RCOR1: variants seen among roughly 807,000 people sequenced by gnomAD.
RCOR1 encodes REST corepressor 1, also known as REST corepressor.
RCOR1 carries 12 observed loss-of-function variants against 64.0 expected under a neutral mutation model. The ratio of observed to expected loss-of-function variants is 0.19; its 90% CI spans 0.12 to 0.30. The LOEUF is 0.30. Among genes scored for constraint, RCOR1 ranks in the 10% least tolerant of loss-of-function variants. The pLI is 1.00. For missense variants in RCOR1, 502 were observed against 621.2 expected, an observed-to-expected ratio of 0.81 and a Z score of 2.04; for synonymous variants, 279 against 227.2, an observed-to-expected ratio of 1.23 and a Z score of -2.05.
At chr14:102,598,464 T>G (rs1408573165) in intron 2 of RCOR1, among the ~76,000 whole-genome samples, 1 of 151,132 alleles carries the variant, frequency 6.6e-6, no homozygotes, top group African/African-American at 2.4e-5. Context: ...TTTTTTTTTT[T>G]TGAGACGGTG....
At position 102,730,125 on chromosome 14, in the gene RCOR1, C is replaced by T. The variant is rs918382231; in HGVS notation, c.*3619C>T. ...CATGTTGTGTGATGATGAGTGTTTA[C>T]AGCCACCTTCTCCTAAAACGAAATT... On this transcript the variant is annotated 3_prime_UTR_variant, in exon 12 of 12. Coordinates refer to ENST00000262241, the MANE Select transcript of RCOR1 (RefSeq NM_015156.4). 13 of 398,226 alleles carry T rather than the reference C, an allele frequency of 3.3e-5. No homozygotes were observed. Among genetic ancestry groups the T allele is most frequent in the Non-Finnish European group, 5.8e-5 (13 of 226,002 alleles). 24.7% of individuals were successfully genotyped at this position (398,226 alleles called of 1,614,324 possible).
At chr14:102,712,696 ATT>A (rs1426668108) in intron 7 of RCOR1, among the ~76,000 whole-genome samples, 2 of 150,828 alleles carry the variant, frequency 1.3e-5, no homozygotes, top group African/African-American at 4.9e-5. Flanking sequence ...ATATCACCAA[ATT>A]GGAAATTGGT....
intron 3 of RCOR1, among the ~76,000 whole-genome samples, chr14:102,683,020 A>T (rs1376694010): frequency 2.0e-5 from 3 of 152,066 alleles, no homozygotes; most frequent in African/African-American, 7.2e-5. Context: ...CACTTTTCCT[A>T]TTGTATTGCT....
At chr14:102,704,161 C>T (rs1895803576) in intron 4 of RCOR1, among the ~76,000 whole-genome samples, 1 of 152,090 alleles carries the variant, frequency 6.6e-6, no homozygotes, top group Admixed American at 6.5e-5. Flanking sequence ...CTGTCATGAC[C>T]AAAGAGGAGA....
chr14:102,603,248 G>C (rs1001699888), intron 2 of RCOR1, among the ~76,000 whole-genome samples: 1 of 151,954 alleles, frequency 6.6e-6, no homozygotes, highest in Non-Finnish European at 1.5e-5. Flanking sequence ...ACCCAGCAAA[G>C]AATGTGACAA....
At chr14:102,687,445 T>G (rs1271007978) in intron 3 of RCOR1, among the ~76,000 whole-genome samples, 1 of 152,168 alleles carries the variant, frequency 6.6e-6, no homozygotes, top group Admixed American at 6.6e-5. Context: ...ACTATACTAG[T>G]TTTTTTGGGC....
intron 2 of RCOR1, among the ~76,000 whole-genome samples, chr14:102,650,058 T>C (rs1435470499): frequency 6.6e-6 from 1 of 151,624 alleles, no homozygotes; most frequent in Admixed American, 6.6e-5. Flanking sequence ...GTTAGCCGGG[T>C]GAGGTGGCGG....
chr14:102,694,293 G>A (rs558502226), intron 3 of RCOR1, among the ~76,000 whole-genome samples: 5 of 152,106 alleles, frequency 3.3e-5, no homozygotes, highest in Admixed American at 6.5e-5. Flanking sequence ...GTCTTGCTCT[G>A]TTGCCCAGGC....
chr14:102,708,425 C>T, intron 5 of RCOR1, 40 bp from the exon 6 acceptor site: 1 of 1,177,062 alleles, frequency 8.5e-7, no homozygotes, highest in Non-Finnish European at 1.3e-6. Flanking sequence ...TTAAAGATTA[C>T]TTTTTTATTT....
chr14:102,603,348 A>G (rs938366858), intron 2 of RCOR1, among the ~76,000 whole-genome samples: 1 of 152,070 alleles, frequency 6.6e-6, no homozygotes, highest in Non-Finnish European at 1.5e-5. Flanking sequence ...TTTTTGAGAC[A>G]GGGTCTGGCT....
At chr14:102,704,510 C>T (rs959911131) in intron 4 of RCOR1, among the ~76,000 whole-genome samples, 9 of 152,258 alleles carry the variant, frequency 5.9e-5, no homozygotes, top group Non-Finnish European at 1.2e-4. Context: ...CAGCTCACTA[C>T]AACCTCCGCC....
intron 4 of RCOR1, among the ~76,000 whole-genome samples, chr14:102,705,453 GT>G (rs1895832268): frequency 6.6e-6 from 1 of 152,126 alleles, no homozygotes; most frequent in Non-Finnish European, 1.5e-5. Context: ...CTTTTTGTTT[GT>G]TTTGTTTTGA....
chr14:102,613,301 C>T lies in RCOR1; in HGVS notation c.361+19976C>T, dbSNP rs139809875. 3.3e-3 allele frequency among the ~76,000 whole-genome samples: 506 copies of T among 151,468 alleles called. 3 individuals are homozygous for T. The highest frequency in any genetic ancestry group is 4.1e-3 in the Non-Finnish European group (277 of 67,896). ...ATTTTTGGTAGAGTTGGGGTTTCAC[C>T]GTGTTGGCCTGGCTGGTATCAAACT... On this transcript the variant is annotated intron_variant, in intron 2 of 11. Transcript: ENST00000262241.
chr14:102,634,415 T>G (rs1894189559), intron 2 of RCOR1, among the ~76,000 whole-genome samples: 1 of 151,914 alleles, frequency 6.6e-6, no homozygotes, highest in Non-Finnish European at 1.5e-5. Context: ...CCAAAACAGA[T>G]CTCTCCAAGC....
At chr14:102,594,881 A>G (rs931195653) in intron 2 of RCOR1, among the ~76,000 whole-genome samples, 1 of 152,122 alleles carries the variant, frequency 6.6e-6, no homozygotes, top group South Asian at 2.1e-4. Flanking sequence ...AAATTTTCCT[A>G]ATGTATTATT....
At chr14:102,654,786 GT>G (rs570052553) in intron 2 of RCOR1, among the ~76,000 whole-genome samples, 37,409 of 118,346 alleles carry the variant, frequency 0.32, 5,573 homozygotes, top group African/African-American at 0.42. Flanking sequence ...CTGTGGTTGA[GT>G]TTTTTTTTTT....
intron 2 of RCOR1, chr14:102,655,379 T>G (rs1364308614): frequency 1.0e-6 from 1 of 985,246 alleles, no homozygotes; most frequent in Admixed American, 6.2e-5. Flanking sequence ...TGGGCATTTT[T>G]CCCTTTGTGA....
At chr14:102,632,692 TTTTCC>T (rs1312468721) in intron 2 of RCOR1, among the ~76,000 whole-genome samples, 26 of 119,134 alleles carry the variant, frequency 2.2e-4, no homozygotes, top group Admixed American at 5.1e-4. Context: ...TTCCTTTTCC[TTTTCC>T]TTTCCTTTCC....
chr14:102,712,986 G>C (rs1895992778), intron 7 of RCOR1, among the ~76,000 whole-genome samples: 7 of 102,046 alleles, frequency 6.9e-5, no homozygotes, highest in Admixed American at 1.5e-4. Context: ...ATGGAGTCTT[G>C]CTCTGTTGCC....
Sources: gnomAD v4.1 joint callset for allele counts (sites outside exome capture counted in the v4.1 genomes callset) on GRCh38, gnomAD v4.1.1 for gene constraint, MANE v1.5 for transcripts, NCBI Gene and HGNC (gene_info 2026-07-23, HGNC 2026-07-21) for gene names.